CDH13: variants seen among roughly 807,000 people sequenced by gnomAD.
The protein encoded by CDH13 is cadherin 13, also known as cadherin-13.
Under a neutral mutation model 63.8 loss-of-function variants are expected in CDH13, and 24 were observed. That is an observed-to-expected ratio of 0.38 (90% CI 0.27 to 0.53). The LOEUF (loss-of-function observed/expected upper bound fraction) is 0.53, where lower values mean the gene tolerates loss of function less well. CDH13 is among the 20% of genes least tolerant of loss of function. CDH13 has a pLI of 0.85. For synonymous variants in CDH13, 503 were observed against 355.3 expected, an observed-to-expected ratio of 1.42 and a Z score of -4.67; for missense variants, 1,049 against 903.1, an observed-to-expected ratio of 1.16 and a Z score of -2.07.
At chr16:83,203,338 C>T (rs184131452) in intron 4 of CDH13, among the ~76,000 whole-genome samples, 181 of 152,196 alleles carry the variant, frequency 1.2e-3, no homozygotes, top group African/African-American at 5.5e-4. Flanking sequence ...GCAATATACC[C>T]TTGTAACAAA....
At chr16:83,470,367 C>A (rs2073423560) in intron 6 of CDH13, among the ~76,000 whole-genome samples, 1 of 152,180 alleles carries the variant, frequency 6.6e-6, no homozygotes. Flanking sequence ...ATCTCTGCTG[C>A]TTCTTGCTCA....
intron 8 of CDH13, among the ~76,000 whole-genome samples, chr16:83,644,908 C>T (rs8060711): frequency 0.86 from 130,317 of 152,236 alleles, 55,812 homozygotes; most frequent in Admixed American, 0.89. Context: ...AGCTGTAGCT[C>T]CTCTAGAATC....
intron 4 of CDH13, among the ~76,000 whole-genome samples, chr16:83,198,421 G>T (rs184007703): frequency 1.1e-4 from 16 of 152,196 alleles, no homozygotes; most frequent in African/African-American, 3.9e-4. Context: ...ACAATTTGCA[G>T]CTGAAGACAT....
intron 2 of CDH13, among the ~76,000 whole-genome samples, chr16:82,903,284 C>G (rs1219387055): frequency 6.6e-6 from 1 of 152,180 alleles, no homozygotes; most frequent in Non-Finnish European, 1.5e-5. Context: ...GCATGGCAAC[C>G]CTATTGAATC....
At chr16:82,920,643 G>A (rs1478251093) in intron 2 of CDH13, among the ~76,000 whole-genome samples, 1 of 152,170 alleles carries the variant, frequency 6.6e-6, no homozygotes, top group African/African-American at 2.4e-5. Flanking sequence ...GATGGTGCTG[G>A]TCAGAGACTA....
At chr16:83,163,168 C>A (rs1346774493) in intron 4 of CDH13, among the ~76,000 whole-genome samples, 1 of 152,160 alleles carries the variant, frequency 6.6e-6, no homozygotes, top group African/African-American at 2.4e-5. Context: ...TCACCTTCCA[C>A]CATGATTGTG....
At chr16:82,905,151 G>T (rs1289794987) in intron 2 of CDH13, among the ~76,000 whole-genome samples, 1 of 152,200 alleles carries the variant, frequency 6.6e-6, no homozygotes, top group Non-Finnish European at 1.5e-5. Context: ...GCTGCTGACA[G>T]CAGTTCTGTA....
At position 83,635,311 on chromosome 16, in the gene CDH13, T is replaced by C. The variant is rs1334488818; in HGVS notation, c.1101+32717T>C. Among the ~76,000 whole-genome samples the C allele has an allele frequency of 3.3e-5, 5 of 151,358 alleles. No individual in the cohort carries two copies. The East Asian group carries it at 9.7e-4, about 29-fold the overall frequency. On this transcript the variant is annotated intron_variant, in intron 8 of 13. Transcript: ENST00000567109. ...GTTTTACAGGCCATTTTCAGGACTT[T>C]AACTTTTGCCCATTTTCTTTCTTTT...
intron 7 of CDH13, among the ~76,000 whole-genome samples, chr16:83,521,360 T>C (rs989980117): frequency 6.7e-6 from 1 of 150,088 alleles, no homozygotes; most frequent in Non-Finnish European, 1.5e-5. Context: ...AAAAAAAGAA[T>C]GGAAAAACCA....
chr16:83,210,045 T>C (rs1228584180), intron 4 of CDH13, among the ~76,000 whole-genome samples: 1 of 151,920 alleles, frequency 6.6e-6, no homozygotes, highest in Non-Finnish European at 1.5e-5. Context: ...GAGGGAGCCA[T>C]TGCAAGTTTT....
intron 6 of CDH13, among the ~76,000 whole-genome samples, chr16:83,393,126 G>T (rs557932842): frequency 1.4e-4 from 22 of 152,280 alleles, no homozygotes; most frequent in African/African-American, 4.8e-4. Flanking sequence ...TCTAGATAAA[G>T]TGTCCCCAAG....
At chr16:83,278,312 G>C (rs1376330880) in intron 5 of CDH13, among the ~76,000 whole-genome samples, 1 of 152,088 alleles carries the variant, frequency 6.6e-6, no homozygotes, top group Non-Finnish European at 1.5e-5. Context: ...TTTTCTTTTA[G>C]CTCTTCCCCA....
chr16:82,920,018 G>A (rs1027756139), intron 2 of CDH13, among the ~76,000 whole-genome samples: 1 of 152,158 alleles, frequency 6.6e-6, no homozygotes, highest in Non-Finnish European at 1.5e-5. Flanking sequence ...GTGGGGTCAC[G>A]ATCTTTGTGT....
chr16:82,942,212 G>T (rs1380672059), intron 2 of CDH13, among the ~76,000 whole-genome samples: 1 of 152,098 alleles, frequency 6.6e-6, no homozygotes. Flanking sequence ...TTTTGTGTAT[G>T]GTGTGAGGTA....
chr16:82,748,561 A>G (rs1042335521), intron 1 of CDH13, among the ~76,000 whole-genome samples: 8 of 151,990 alleles, frequency 5.3e-5, no homozygotes, highest in East Asian at 1.9e-4. Context: ...TAATTTTTGG[A>G]TTGTGACCTC....
intron 1 of CDH13, among the ~76,000 whole-genome samples, chr16:82,756,760 A>G (rs1448510437): frequency 6.6e-6 from 1 of 152,216 alleles, no homozygotes; most frequent in Non-Finnish European, 1.5e-5. Flanking sequence ...ACCTGAGAGC[A>G]TTCTTGGAAG....
Position 82,669,243 on chromosome 16 carries a change from G to A in CDH13, c.45+42106G>A, listed in dbSNP as rs563540683. Among the ~76,000 whole-genome samples the A allele has an allele frequency of 1.1e-4, 17 of 152,336 alleles. No homozygotes were observed. In the South Asian group the frequency reaches 3.3e-3, roughly 30 times the overall value. ...GCATCATTGAACATTGGGTCAGCAT[G>A]TTAGATACGATGAAGTTCCAGATCC... On this transcript the variant is annotated intron_variant, in intron 1 of 13. Transcript: ENST00000567109.
At chr16:82,925,262 A>G (rs540157772) in intron 2 of CDH13, among the ~76,000 whole-genome samples, 1 of 152,226 alleles carries the variant, frequency 6.6e-6, no homozygotes, top group South Asian at 2.1e-4. Context: ...TGGCCCAGAG[A>G]GGTGGCCCCT....
chr16:83,228,716 C>G (rs1395755019), intron 5 of CDH13, among the ~76,000 whole-genome samples: 2 of 152,136 alleles, frequency 1.3e-5, no homozygotes, highest in African/African-American at 2.4e-5. Flanking sequence ...GAGGGTGGGG[C>G]CATGGCAGGG....
Sources: gnomAD v4.1 joint callset for allele counts (sites outside exome capture counted in the v4.1 genomes callset) on GRCh38, gnomAD v4.1.1 for gene constraint, MANE v1.5 for transcripts, NCBI Gene and HGNC (gene_info 2026-07-23, HGNC 2026-07-21) for gene names.